Variants in FOXN3 observed in about 807,000 individuals in gnomAD.
FOXN3 encodes forkhead box protein N3.
FOXN3 carries 7 observed loss-of-function variants against 38.4 expected under a neutral mutation model. The observed-to-expected ratio is 0.18, with a 90% CI of 0.10 to 0.34. FOXN3 has a LOEUF of 0.34. Ranked by LOEUF, FOXN3 falls within the 10% of genes least tolerant of loss-of-function variation. The pLI is 1.00. For synonymous variants in FOXN3, 230 were observed against 242.2 expected, an observed-to-expected ratio of 0.95 and a Z score of 0.47; for missense variants, 456 against 613.4, an observed-to-expected ratio of 0.74 and a Z score of 2.71.
intron 2 of FOXN3, among the ~76,000 whole-genome samples, chr14:89,411,510 T>G (rs1891545055): frequency 6.6e-6 from 1 of 152,162 alleles, no homozygotes; most frequent in Non-Finnish European, 1.5e-5. Context: ...TAGTTCATAT[T>G]CAGGGAAAAA....
intron 1 of FOXN3, among the ~76,000 whole-genome samples, chr14:89,590,514 G>C (rs1337722385): frequency 6.6e-6 from 1 of 152,172 alleles, no homozygotes; most frequent in Non-Finnish European, 1.5e-5. Flanking sequence ...AGAGGCATCA[G>C]ATACGGAGAA....
At chr14:89,418,320 C>T (rs1177172804), upstream of FOXN3, among the ~76,000 whole-genome samples, 4 of 151,528 alleles carry the variant, frequency 2.6e-5, no homozygotes, top group African/African-American at 9.7e-5. Flanking sequence ...AGAAAGCTTT[C>T]TAGCATGCAG....
chr14:89,435,199 A>G (rs954320455), intron 1 of FOXN3, among the ~76,000 whole-genome samples: 5 of 151,982 alleles, frequency 3.3e-5, no homozygotes, highest in Non-Finnish European at 5.9e-5. Context: ...CCTGGGCAAC[A>G]CTGCAAGACC....
intron 1 of FOXN3, among the ~76,000 whole-genome samples, chr14:89,457,339 T>C (rs768082945): frequency 1.3e-5 from 2 of 152,108 alleles, no homozygotes; most frequent in Non-Finnish European, 2.9e-5. Context: ...GCCCAAACTG[T>C]TGAGGTTTGA....
chr14:89,274,130 C>G (rs944399510), intron 4 of FOXN3, among the ~76,000 whole-genome samples: 2 of 151,906 alleles, frequency 1.3e-5, no homozygotes, highest in African/African-American at 4.8e-5. Context: ...AATGAGTGGG[C>G]GAGGGTCAGG....
chr14:89,609,682 A>AG (rs1232034581), intron 1 of FOXN3, among the ~76,000 whole-genome samples: 2 of 151,934 alleles, frequency 1.3e-5, no homozygotes, highest in Non-Finnish European at 2.9e-5. Context: ...AGTGGCAGGG[A>AG]GGGGGTCTGA....
intron 2 of FOXN3, among the ~76,000 whole-genome samples, chr14:89,366,284 GA>G (rs1032653295): frequency 6.6e-6 from 1 of 151,368 alleles, no homozygotes; most frequent in Non-Finnish European, 1.5e-5. Flanking sequence ...CTTTATTATA[GA>G]AAAAAACATG....
At chr14:89,422,072 A>G (rs1210220035), upstream of FOXN3, among the ~76,000 whole-genome samples, 2 of 151,638 alleles carry the variant, frequency 1.3e-5, no homozygotes, top group African/African-American at 2.4e-5. Flanking sequence ...GGGTCTCGCT[A>G]TTTTGCCCAG....
intron 1 of FOXN3, among the ~76,000 whole-genome samples, chr14:89,502,558 C>T (rs1329832495): frequency 6.6e-6 from 1 of 152,206 alleles, no homozygotes; most frequent in Non-Finnish European, 1.5e-5. Context: ...CATTTTTCTA[C>T]ATAGGAATCC....
At chr14:89,535,854 A>G (rs1346853895) in intron 1 of FOXN3, among the ~76,000 whole-genome samples, 1 of 152,344 alleles carries the variant, frequency 6.6e-6, no homozygotes, top group African/African-American at 2.4e-5. Flanking sequence ...TCAGAGTCAC[A>G]ATTGATTTTC....
chr14:89,366,828 G>C (rs1890174151), intron 2 of FOXN3, among the ~76,000 whole-genome samples: 1 of 152,144 alleles, frequency 6.6e-6, no homozygotes, highest in South Asian at 2.1e-4. Context: ...CTGACACATG[G>C]ATGCCCTTGG....
At position 89,548,857 on chromosome 14, in the gene FOXN3, G is replaced by A. The variant is rs958723697; in HGVS notation, c.-15+70171C>T. On this transcript the variant is annotated intron_variant, in intron 1 of 6. Coordinates refer to the FOXN3 transcript ENST00000345097. This position sits in a 1 kb window ranked among gnomAD's most constrained non-coding sequence, Gnocchi z 4.8. ...TAATGTGCCGGGCGCGGTGGCTCAC[G>A]CCTGTAATCCCAGCACTTTTGGAGG... Among the ~76,000 whole-genome samples, 1 of 152,098 alleles carries A rather than the reference G, an allele frequency of 6.6e-6. No individual in the cohort carries two copies. The highest frequency in any genetic ancestry group is 1.5e-5 in the Non-Finnish European group (1 of 68,022).
intron 1 of FOXN3, among the ~76,000 whole-genome samples, chr14:89,433,707 G>A (rs1192579495): frequency 6.6e-6 from 1 of 151,456 alleles, no homozygotes; most frequent in African/African-American, 2.4e-5. Context: ...AGGAGGCTGA[G>A]GCAGTAGAAT....
At chr14:89,238,920 C>T (rs946354001) in intron 4 of FOXN3, among the ~76,000 whole-genome samples, 5 of 152,220 alleles carry the variant, frequency 3.3e-5, no homozygotes, top group Non-Finnish European at 7.4e-5. Flanking sequence ...CTTGCCGCCA[C>T]GGAAATGACA....
At chr14:89,205,927 T>G (rs1376484778) in intron 4 of FOXN3, among the ~76,000 whole-genome samples, 1 of 152,212 alleles carries the variant, frequency 6.6e-6, no homozygotes, top group Non-Finnish European at 1.5e-5. Context: ...GGGAGCGGGT[T>G]AAGGGAACTT....
At chr14:89,165,232 G>C (rs1887209974) in intron 5 of FOXN3, among the ~76,000 whole-genome samples, 1 of 152,156 alleles carries the variant, frequency 6.6e-6, no homozygotes. Flanking sequence ...ACACGCCTGT[G>C]CTCATATCCC....
chr14:89,310,410 T>A (rs2139958212), intron 3 of FOXN3, among the ~76,000 whole-genome samples: 1 of 152,326 alleles, frequency 6.6e-6, no homozygotes, highest in African/African-American at 2.4e-5. Context: ...CAGCTTCATG[T>A]CTTTGTCCAA....
In FOXN3 at chr14:89,174,911, G is replaced by A. The variant is rs542859114; in HGVS notation, c.851+5790C>T. Among the ~76,000 whole-genome samples, 15 of 152,262 alleles carry A rather than the reference G, an allele frequency of 9.9e-5. No individual in the cohort carries two copies. In the South Asian group the frequency reaches 3.1e-3, roughly 32 times the overall value. On this transcript the variant is annotated intron_variant, in intron 5 of 5. Coordinates refer to ENST00000557258, the MANE Select transcript of FOXN3 (RefSeq NM_005197.4). ...ATGATTTCAAAGACAAAGGCCAACAGGTGTTTGGTCTTTACATACAGAACA... is the reference window on the plus strand; with the variant it reads ...ATGATTTCAAAGACAAAGGCCAACAAGTGTTTGGTCTTTACATACAGAACA...
intron 4 of FOXN3, among the ~76,000 whole-genome samples, chr14:89,260,209 T>C (rs1323517631): frequency 6.6e-6 from 1 of 152,252 alleles, no homozygotes; most frequent in Non-Finnish European, 1.5e-5. Flanking sequence ...TGCTCCTCCA[T>C]AGTTTTAATC....
Sources: gnomAD v4.1 joint callset for allele counts (sites outside exome capture counted in the v4.1 genomes callset) on GRCh38, gnomAD v4.1.1 for gene constraint, Gnocchi (gnomAD v3.1) non-coding constraint, MANE v1.5 for transcripts, NCBI Gene and HGNC (gene_info 2026-07-23, HGNC 2026-07-21) for gene names.